METTL16: variants seen among roughly 807,000 people sequenced by gnomAD.
The protein encoded by METTL16 is RNA N(6)-adenosine-methyltransferase METTL16.
METTL16 carries 19 observed loss-of-function variants against 57.9 expected under a neutral mutation model. The observed-to-expected ratio is 0.33, with a 90% CI of 0.23 to 0.48. The LOEUF (loss-of-function observed/expected upper bound fraction) is 0.48, where lower values mean the gene tolerates loss of function less well. METTL16 is among the 20% of genes least tolerant of loss of function. METTL16 has a pLI of 0.99. For synonymous variants in METTL16, 246 were observed against 255.6 expected, an observed-to-expected ratio of 0.96 and a Z score of 0.36; for missense variants, 434 against 691.5, an observed-to-expected ratio of 0.63 and a Z score of 4.18.
Position 2,497,430 on chromosome 17 carries a change from A to G in METTL16, c.128+4774T>C, listed in dbSNP as rs186545260. On this transcript the variant is annotated intron_variant, in intron 2 of 9. Coordinates refer to ENST00000263092, the MANE Select transcript of METTL16 (RefSeq NM_024086.4). ...CAAGCTCAAGCGATTCTCGTGCCTC[A>G]GCCTTCTGAGTAGCTGAGATTACAG... is the stretch of plus-strand genomic sequence containing the variant. 2.3e-4 allele frequency among the ~76,000 whole-genome samples: 33 copies of G among 145,692 alleles called. 1 individual carries two copies. The highest frequency in any genetic ancestry group is 3.7e-3 in the Middle Eastern group (1 of 268).
chr17:2,493,416 A>G (rs533163175), intron 2 of METTL16, among the ~76,000 whole-genome samples: 1 of 151,518 alleles, frequency 6.6e-6, no homozygotes, highest in South Asian at 2.1e-4. Flanking sequence ...AACTGACAGA[A>G]TTAAATACAA....
At chr17:2,469,961 T>C (rs571807153) in intron 4 of METTL16, among the ~76,000 whole-genome samples, 5 of 152,306 alleles carry the variant, frequency 3.3e-5, no homozygotes, top group Non-Finnish European at 5.9e-5. Context: ...TAGCCACAAA[T>C]AGTCAATGAG....
chr17:2,493,460 T>C (rs995789139), intron 2 of METTL16, among the ~76,000 whole-genome samples: 1 of 151,766 alleles, frequency 6.6e-6, no homozygotes, highest in Non-Finnish European at 1.5e-5. Context: ...GGCTCACACC[T>C]GTAATCCCAG....
chr17:2,431,444 ATGTT>A (rs1453484160), intron 8 of METTL16, among the ~76,000 whole-genome samples: 1 of 152,174 alleles, frequency 6.6e-6, no homozygotes, highest in Admixed American at 6.6e-5. Flanking sequence ...TTCTTGTACA[ATGTT>A]TGTGATACGT....
intron 4 of METTL16, among the ~76,000 whole-genome samples, chr17:2,468,218 C>T (rs1448378507): frequency 2.0e-5 from 3 of 152,192 alleles, no homozygotes; most frequent in Non-Finnish European, 4.4e-5. Flanking sequence ...ATGCATTTCT[C>T]AGAATATATC....
intron 2 of METTL16, among the ~76,000 whole-genome samples, chr17:2,500,269 C>T (rs1161236733): frequency 6.9e-6 from 1 of 144,954 alleles, no homozygotes; most frequent in South Asian, 2.2e-4. Flanking sequence ...TCCTAATCTT[C>T]TTTTTTTCTT....
intron 2 of METTL16, 25 bp from the exon 3 acceptor site, chr17:2,477,910 A>G (rs1426802691): frequency 3.1e-6 from 5 of 1,589,922 alleles, no homozygotes; most frequent in Non-Finnish European, 4.3e-6. Context: ...AAAGGAAGTA[A>G]AACTGATTAG....
At chr17:2,508,966 C>A (rs1429510473) in intron 1 of METTL16, among the ~76,000 whole-genome samples, 11 of 152,144 alleles carry the variant, frequency 7.2e-5, no homozygotes, top group Admixed American at 7.2e-4. Flanking sequence ...TCCTCAACCT[C>A]CCACCATCGC....
chr17:2,464,439 G>A, intron 5 of METTL16, 89 bp from the exon 6 acceptor site: 1 of 1,291,084 alleles, frequency 7.7e-7, no homozygotes, highest in Non-Finnish European at 1.0e-6. Context: ...AGAATGTTTA[G>A]TTGCAATTTT....
chr17:2,433,607 C>T (rs1425841851), intron 8 of METTL16, among the ~76,000 whole-genome samples: 1 of 152,156 alleles, frequency 6.6e-6, no homozygotes, highest in African/African-American at 2.4e-5. Flanking sequence ...TGGGTTCTAA[C>T]CTGACTTTTT....
chr17:2,448,002 G>A (rs2067024130), intron 6 of METTL16, among the ~76,000 whole-genome samples: 3 of 96,502 alleles, frequency 3.1e-5, no homozygotes, highest in Admixed American at 9.5e-5. Context: ...GGTGAGGGGC[G>A]CCTCTGCCCG....
chr17:2,435,802 G>A (rs113783469), intron 8 of METTL16, among the ~76,000 whole-genome samples: 2 of 151,012 alleles, frequency 1.3e-5, no homozygotes, highest in African/African-American at 4.9e-5. Flanking sequence ...ACTCTGGTAG[G>A]GGGGGAATCT....
chr17:2,459,302 A>G (rs2067132188), intron 6 of METTL16, among the ~76,000 whole-genome samples: 1 of 152,206 alleles, frequency 6.6e-6, no homozygotes, highest in Non-Finnish European at 1.5e-5. Context: ...AGGATATCTG[A>G]GTTCTAATTT....
At chr17:2,473,696 C>T (rs1459775439) in intron 3 of METTL16, 32 bp from the exon 4 acceptor site, 2 of 1,599,072 alleles carry the variant, frequency 1.3e-6, no homozygotes, top group East Asian at 2.3e-5. Flanking sequence ...ACACATTCTA[C>T]ACACCAGAGG....
intron 6 of METTL16, among the ~76,000 whole-genome samples, chr17:2,449,128 A>G (rs761316133): frequency 6.6e-6 from 1 of 152,220 alleles, no homozygotes; most frequent in Non-Finnish European, 1.5e-5. Flanking sequence ...CATTTACGGT[A>G]GCATGAAAAT....
chr17:2,420,806 T>C lies in METTL16; in HGVS notation c.987A>G (p.Ser329=). The part of the protein sequence containing the change: ...SVMKELSLKA[S]PLRSETAEGI... ...CTTCCGCCGTCTCCGAGCGCAGAGG[T>C]GATGCTTTGAGGGATAATTCCTTCA... Residue 329 remains serine, a synonymous_variant, in exon 9 of 10, where the codon TCA becomes TCG. Transcript: ENST00000263092. This position sits in a 1 kb window ranked among gnomAD's most constrained non-coding sequence, Gnocchi z 5.4. 6.2e-7 allele frequency: 1 copy of C among 1,614,200 alleles called. No homozygotes were observed. Among genetic ancestry groups the C allele is most frequent in the Non-Finnish European group, 8.5e-7 (1 of 1,180,036 alleles).
intron 6 of METTL16, among the ~76,000 whole-genome samples, chr17:2,457,915 T>C (rs2067123058): frequency 6.6e-6 from 1 of 152,136 alleles, no homozygotes; most frequent in East Asian, 1.9e-4. Context: ...GCTCTTGCTC[T>C]GTCACCCAGG....
Position 2,438,191 on chromosome 17 carries a change from T to C in METTL16, c.806A>G (p.Lys269Arg). 3.1e-6 allele frequency: 5 copies of C among 1,613,414 alleles called. No individual in the cohort carries two copies. The highest frequency in any genetic ancestry group is 4.2e-6 in the Non-Finnish European group (5 of 1,179,452). Residue 269 changes from lysine (K) to arginine (R), a missense_variant, in exon 8 of 10, where the codon AAA becomes AGA. Transcript: ENST00000263092. ...KEELRIQGVP[K>R]VTYTEFCQGR... ...TTGACAGAATTCAGTGTACGTTACT[T>C]TGGGAACCTGAAACCAACAAAGACA... is the stretch of plus-strand genomic sequence containing the variant.
chr17:2,445,872 A>G (rs2066991608), intron 6 of METTL16, among the ~76,000 whole-genome samples: 1 of 151,892 alleles, frequency 6.6e-6, no homozygotes, highest in South Asian at 2.1e-4. Flanking sequence ...ATACTAGTAA[A>G]TTTAATCCAG....
Sources: gnomAD v4.1 joint callset for allele counts (sites outside exome capture counted in the v4.1 genomes callset) on GRCh38, gnomAD v4.1.1 for gene constraint, Gnocchi (gnomAD v3.1) non-coding constraint, MANE v1.5 for transcripts, NCBI Gene and HGNC (gene_info 2026-07-23, HGNC 2026-07-21) for gene names.